The following FAM149B1 variants were observed in gnomAD, a reference collection of about 807,000 sequenced individuals.
FAM149B1 encodes family with sequence similarity 149 member B1, also known as primary cilium assembly protein FAM149B1.
FAM149B1 carries 56 observed loss-of-function variants against 75.3 expected under a neutral mutation model. The observed-to-expected ratio is 0.74, with a 90% CI of 0.60 to 0.93. The LOEUF (loss-of-function observed/expected upper bound fraction) is 0.93. FAM149B1 is among the 40% of genes least tolerant of loss of function. FAM149B1 has a pLI of 0.00. For synonymous variants in FAM149B1, 259 were observed against 256.1 expected, an observed-to-expected ratio of 1.01 and a Z score of -0.11; for missense variants, 639 against 708.4, an observed-to-expected ratio of 0.90 and a Z score of 1.11.
intron 9 of FAM149B1, among the ~76,000 whole-genome samples, chr10:73,232,238 G>C (rs1207614886): frequency 6.6e-6 from 1 of 152,130 alleles, no homozygotes; most frequent in Non-Finnish European, 1.5e-5. Flanking sequence ...ATACACACCT[G>C]AATCTGTAGG....
intron 10 of FAM149B1, 58 bp downstream of exon 10, chr10:73,233,221 C>G (rs1046159396): frequency 8.5e-7 from 1 of 1,179,328 alleles, no homozygotes; most frequent in Admixed American, 2.0e-5. Flanking sequence ...ATTTTACATA[C>G]AGAATTAATT....
intron 5 of FAM149B1, among the ~76,000 whole-genome samples, chr10:73,197,608 A>G (rs1456090823): frequency 6.6e-6 from 1 of 152,044 alleles, no homozygotes; most frequent in Non-Finnish European, 1.5e-5. Flanking sequence ...CGTCTCTACT[A>G]AAAATATAAA....
At chr10:73,193,134 T>G (rs2042720242) in intron 4 of FAM149B1, among the ~76,000 whole-genome samples, 1 of 152,248 alleles carries the variant, frequency 6.6e-6, no homozygotes, top group Admixed American at 6.5e-5. Context: ...TTTTTAAGAA[T>G]ATAATTCGTA....
At chr10:73,188,880 T>C (rs901806872) in intron 3 of FAM149B1, among the ~76,000 whole-genome samples, 3 of 150,728 alleles carry the variant, frequency 2.0e-5, no homozygotes, top group African/African-American at 4.9e-5. Flanking sequence ...TATAAAGAGC[T>C]CTTAAAACTC....
intron 2 of FAM149B1, among the ~76,000 whole-genome samples, chr10:73,175,662 T>A (rs1471647909): frequency 1.6e-5 from 2 of 124,714 alleles, no homozygotes; most frequent in African/African-American, 3.3e-5. Flanking sequence ...AGAGCGAGAC[T>A]CCTTCTCAAA....
intron 3 of FAM149B1, 35 bp downstream of exon 3, chr10:73,178,010 G>C (rs1844049197): frequency 3.3e-6 from 5 of 1,509,526 alleles, no homozygotes; most frequent in South Asian, 2.5e-5. Flanking sequence ...TAGAGTGCTT[G>C]GGAGATGATT....
chr10:73,197,649 A>G (rs900653365), intron 5 of FAM149B1, among the ~76,000 whole-genome samples: 9 of 152,104 alleles, frequency 5.9e-5, no homozygotes, highest in African/African-American at 1.7e-4. Context: ...GCACGCCTGT[A>G]ATCCCAGCTG....
intron 5 of FAM149B1, among the ~76,000 whole-genome samples, chr10:73,206,081 A>G (rs935454562): frequency 2.6e-5 from 4 of 152,242 alleles, no homozygotes; most frequent in African/African-American, 9.6e-5. Context: ...GAAATGGACA[A>G]TAAAGTCCAG....
At chr10:73,194,091 G>A (rs1281894926) in intron 5 of FAM149B1, among the ~76,000 whole-genome samples, 1 of 152,106 alleles carries the variant, frequency 6.6e-6, no homozygotes, top group East Asian at 1.9e-4. Context: ...AACCATTCAT[G>A]AGGACAGAAC....
At chr10:73,205,297 C>T (rs74353322) in intron 5 of FAM149B1, among the ~76,000 whole-genome samples, 351 of 151,878 alleles carry the variant, frequency 2.3e-3, no homozygotes, top group African/African-American at 8.3e-3. Flanking sequence ...AATGAGTTCT[C>T]ATGAGATCTA....
chr10:73,225,473 T>G (rs1424568413), intron 7 of FAM149B1, among the ~76,000 whole-genome samples: 1 of 152,154 alleles, frequency 6.6e-6, no homozygotes, highest in African/African-American at 2.4e-5. Context: ...TAGGCAAACC[T>G]CATAGAATAA....
At chr10:73,176,313 A>G (rs1349624902) in intron 2 of FAM149B1, among the ~76,000 whole-genome samples, 1 of 152,056 alleles carries the variant, frequency 6.6e-6, no homozygotes, top group Non-Finnish European at 1.5e-5. Flanking sequence ...AGCTTCATGC[A>G]CTCACCTGCC....
rs913398729 is a variant in FAM149B1, at chr10:73,177,839, C to G, written c.153-7C>G. The stretch of plus-strand genomic sequence containing the variant: ...TTTTCTCTCCTCCTCCCAAATTGTG[C>G]CTTTAGCAAGTCTGACATCACAAGA... On this transcript the variant is annotated splice_region_variant and splice_polypyrimidine_tract_variant and intron_variant, in intron 2 of 13. Transcript: ENST00000242505. 1 of 1,541,196 alleles carries G rather than the reference C, an allele frequency of 6.5e-7. No individual in the cohort carries two copies. Among genetic ancestry groups the G allele is most frequent in the Non-Finnish European group, 8.7e-7 (1 of 1,145,938 alleles).
chr10:73,175,432 G>C (rs947175917), intron 2 of FAM149B1, among the ~76,000 whole-genome samples: 12 of 152,028 alleles, frequency 7.9e-5, no homozygotes, highest in African/African-American at 2.9e-4. Flanking sequence ...CACTTTGGGA[G>C]GCCGAGGTGC....
Position 73,193,492 on chromosome 10 carries a change from G to A in FAM149B1, c.441G>A (p.Gln147=), listed in dbSNP as rs1474334828. 6.5e-7 allele frequency: 1 copy of A among 1,549,294 alleles called. No individual in the cohort carries two copies. The highest frequency in any genetic ancestry group is 2.0e-5 in the Admixed American group (1 of 50,816). The part of the protein sequence containing the change: ...SFPHLRILGR[Q]IITPSEGYRL... The stretch of plus-strand genomic sequence containing the variant: ...CATTTTGAAGGATTCTAGGTAGGCA[G>A]ATAATCACTCCAAGTGAAGGTTATA... The change falls in exon 5 of 14, where the codon CAG becomes CAA. Residue 147 remains glutamine (Q), a synonymous_variant. Coordinates refer to ENST00000242505, the MANE Select transcript of FAM149B1 (RefSeq NM_173348.2).
At chr10:73,239,840 A>G (rs1185421804) in intron 13 of FAM149B1, among the ~76,000 whole-genome samples, 1 of 152,256 alleles carries the variant, frequency 6.6e-6, no homozygotes, top group Non-Finnish European at 1.5e-5. Flanking sequence ...CCATCAGGAT[A>G]TGCTGAGTCT....
rs547897820 is a variant in FAM149B1 at position 73,204,037 on chromosome 10, C to T, written c.543-4582C>T. On this transcript the variant is annotated intron_variant, in intron 5 of 13. Coordinates refer to ENST00000242505, the MANE Select transcript of FAM149B1 (RefSeq NM_173348.2). ...ATCAAAGAAAATGTTTATTTTAAAG[C>T]TCCTAATACATATTCCCAAAATGTC... Among the ~76,000 whole-genome samples the T allele has an allele frequency of 1.8e-4, 28 of 152,294 alleles. No homozygotes were observed. In the South Asian group the frequency reaches 5.8e-3, roughly 32 times the overall value.
chr10:73,227,442 T>C (rs953748046), intron 7 of FAM149B1, among the ~76,000 whole-genome samples: 1 of 152,186 alleles, frequency 6.6e-6, no homozygotes, highest in African/African-American at 2.4e-5. Context: ...TCTGCTTTTG[T>C]TTTACATTCT....
intron 7 of FAM149B1, among the ~76,000 whole-genome samples, chr10:73,210,944 T>A (rs1018013555): frequency 6.6e-6 from 1 of 152,074 alleles, no homozygotes. Context: ...TAGGGTTTTT[T>A]CCCCCACAAC....
Sources: gnomAD v4.1 joint callset for allele counts (sites outside exome capture counted in the v4.1 genomes callset) on GRCh38, gnomAD v4.1.1 for gene constraint, MANE v1.5 for transcripts, NCBI Gene and HGNC (gene_info 2026-07-23, HGNC 2026-07-21) for gene names.